The following WWOX variants were observed in gnomAD, a reference collection of about 807,000 sequenced individuals.
The protein encoded by WWOX is WW domain-containing oxidoreductase.
A neutral mutation model predicts 46.2 loss-of-function variants in WWOX; 69 were observed. The observed-to-expected ratio is 1.49, with a 90% CI of 1.23 to 1.82. WWOX has a LOEUF of 1.82. Among genes scored for constraint, WWOX ranks in the 40% most tolerant of loss-of-function variants. The probability of loss-of-function intolerance (pLI) is 0.00; values close to 1 mark genes in which losing one functional copy is unlikely to be tolerated. For synonymous variants in WWOX, 359 were observed against 202.6 expected, an observed-to-expected ratio of 1.77 and a Z score of -6.56; for missense variants, 919 against 542.6, an observed-to-expected ratio of 1.69 and a Z score of -6.89.
Position 78,645,130 on chromosome 16 carries a change from T to C in WWOX, c.1056+212378T>C, listed in dbSNP as rs1194045901. On this transcript the variant is annotated intron_variant, in intron 8 of 8. Coordinates refer to ENST00000566780, the MANE Select transcript of WWOX (RefSeq NM_016373.4). ...ATACAATCTAGTTACAATGGTCTGC[T>C]TGCTGTTACCAGAATCTGTCAAGCT... 4.6e-5 allele frequency among the ~76,000 whole-genome samples: 7 copies of C among 152,302 alleles called. 1 individual carries two copies. Among genetic ancestry groups the C allele is most frequent in the South Asian group, 4.2e-4 (2 of 4,818 alleles).
chr16:78,968,732 G>T (rs1019351959), intron 8 of WWOX, among the ~76,000 whole-genome samples: 1 of 152,222 alleles, frequency 6.6e-6, no homozygotes, highest in Middle Eastern at 3.4e-3. Flanking sequence ...TTGAAACCAT[G>T]CTCATTGGTT....
chr16:78,947,330 A>C (rs918676105), intron 8 of WWOX, among the ~76,000 whole-genome samples: 7 of 152,146 alleles, frequency 4.6e-5, no homozygotes, highest in Admixed American at 3.9e-4. Context: ...ATTAGCTTCA[A>C]ACACCATTTT....
intron 8 of WWOX, among the ~76,000 whole-genome samples, chr16:78,483,044 C>T (rs945969374): frequency 6.6e-6 from 1 of 152,162 alleles, no homozygotes; most frequent in Non-Finnish European, 1.5e-5. Flanking sequence ...GGTCCCTAGA[C>T]ATGAAGGGCC....
At chr16:78,533,163 C>T (rs181988889) in intron 8 of WWOX, among the ~76,000 whole-genome samples, 55 of 148,282 alleles carry the variant, frequency 3.7e-4, no homozygotes, top group Middle Eastern at 6.8e-3. Flanking sequence ...CTCAAGGAAG[C>T]TCCTGAGGCT....
chr16:78,781,035 G>T (rs1342656276), intron 8 of WWOX, among the ~76,000 whole-genome samples: 9 of 152,186 alleles, frequency 5.9e-5, no homozygotes, highest in Non-Finnish European at 1.0e-4. Context: ...TCCACATTTG[G>T]AAGATTGTTT....
chr16:78,942,148 G>A (rs1026551319), intron 8 of WWOX, among the ~76,000 whole-genome samples: 6 of 152,178 alleles, frequency 3.9e-5, no homozygotes, highest in African/African-American at 1.4e-4. Flanking sequence ...TAGCTTGGAT[G>A]TGATTGGTAT....
At chr16:78,278,300 A>G (rs2079614954) in intron 5 of WWOX, among the ~76,000 whole-genome samples, 1 of 152,204 alleles carries the variant, frequency 6.6e-6, no homozygotes, top group South Asian at 2.1e-4. Flanking sequence ...CTTCTCTGCC[A>G]AGTATAGTAA....
At chr16:78,838,733 C>G (rs1032871820) in intron 8 of WWOX, among the ~76,000 whole-genome samples, 4 of 152,098 alleles carry the variant, frequency 2.6e-5, no homozygotes, top group African/African-American at 9.7e-5. Flanking sequence ...ATCCCAGCAA[C>G]TCGGGAGGCT....
intron 5 of WWOX, among the ~76,000 whole-genome samples, chr16:78,325,614 G>A (rs1327883927): frequency 6.6e-6 from 1 of 152,224 alleles, no homozygotes; most frequent in Non-Finnish European, 1.5e-5. Context: ...GAAGTAATGA[G>A]ATCAGAAGGA....
At chr16:79,186,583 A>G (rs1320542499) in intron 8 of WWOX, among the ~76,000 whole-genome samples, 1 of 152,214 alleles carries the variant, frequency 6.6e-6, no homozygotes, top group Admixed American at 6.5e-5. Flanking sequence ...ATCTAATTAC[A>G]TGTCTATTTC....
At chr16:78,632,780 A>G (rs1308995037) in intron 8 of WWOX, among the ~76,000 whole-genome samples, 1 of 150,622 alleles carries the variant, frequency 6.6e-6, no homozygotes, top group Admixed American at 6.6e-5. Flanking sequence ...CTGGTCTCGA[A>G]CTCCTGACCT....
chr16:78,617,579 T>C (rs74932754), intron 8 of WWOX, among the ~76,000 whole-genome samples: 4,396 of 152,230 alleles, frequency 0.029, 231 homozygotes, highest in African/African-American at 0.1. Flanking sequence ...TGCTTGTGTG[T>C]GTTCTGAGGA....
intron 5 of WWOX, among the ~76,000 whole-genome samples, chr16:78,382,320 C>T (rs1376089431): frequency 6.6e-6 from 1 of 152,202 alleles, no homozygotes; most frequent in East Asian, 1.9e-4. Flanking sequence ...CTTTGAGATG[C>T]CACGTGTAAC....
At chr16:78,662,681 C>T (rs557177081) in intron 8 of WWOX, among the ~76,000 whole-genome samples, 78 of 152,270 alleles carry the variant, frequency 5.1e-4, no homozygotes, top group Admixed American at 1.4e-3. Context: ...AAGAATTGAG[C>T]CTGGTTCAGC....
At chr16:78,565,520 G>C (rs2044543526) in intron 8 of WWOX, among the ~76,000 whole-genome samples, 2 of 152,054 alleles carry the variant, frequency 1.3e-5, no homozygotes, top group South Asian at 4.1e-4. Flanking sequence ...TGGCCCTCTG[G>C]CCACTCTCTT....
intron 8 of WWOX, among the ~76,000 whole-genome samples, chr16:78,849,899 CCT>C (rs1474464659): frequency 1.3e-5 from 2 of 151,978 alleles, no homozygotes; most frequent in Non-Finnish European, 2.9e-5. Context: ...ATGCAGAAAC[CCT>C]GTCTCTACTT....
chr16:78,640,874 G>C (rs992077283), intron 8 of WWOX, among the ~76,000 whole-genome samples: 2 of 151,732 alleles, frequency 1.3e-5, no homozygotes, highest in Non-Finnish European at 2.9e-5. Context: ...GGGAAGCAGA[G>C]GTTGCAGTGA....
chr16:78,768,656 A>G (rs1006688887), intron 8 of WWOX, among the ~76,000 whole-genome samples: 1 of 151,378 alleles, frequency 6.6e-6, no homozygotes, highest in African/African-American at 2.4e-5. Flanking sequence ...TATAATTTTC[A>G]GAGGTTGTGA....
chr16:78,648,239 A>G (rs1165550341), intron 8 of WWOX, among the ~76,000 whole-genome samples: 3 of 152,172 alleles, frequency 2.0e-5, no homozygotes, highest in African/African-American at 4.8e-5. Flanking sequence ...ATCCCTATAC[A>G]AAGACCCAAG....
Sources: gnomAD v4.1 joint callset for allele counts (sites outside exome capture counted in the v4.1 genomes callset) on GRCh38, gnomAD v4.1.1 for gene constraint, MANE v1.5 for transcripts, NCBI Gene and HGNC (gene_info 2026-07-23, HGNC 2026-07-21) for gene names.